SULT6B1: variants seen among roughly 807,000 people sequenced by gnomAD.
SULT6B1 encodes sulfotransferase family 6B member 1.
Under a neutral mutation model 37.2 loss-of-function variants are expected in SULT6B1, and 44 were observed. The observed-to-expected ratio is 1.18, with a 90% CI of 0.93 to 1.52. SULT6B1 has a LOEUF of 1.52. Among genes scored for constraint, SULT6B1 ranks in the 40% most tolerant of loss-of-function variants. The probability of loss-of-function intolerance (pLI) is 0.00; values close to 1 mark genes in which losing one functional copy is unlikely to be tolerated. For missense variants in SULT6B1, 450 were observed against 361.0 expected, an observed-to-expected ratio of 1.25 and a Z score of -2.00; for synonymous variants, 140 against 126.0, an observed-to-expected ratio of 1.11 and a Z score of -0.74.
At chr2:37,178,626 C>T (rs1433033257) in intron 4 of SULT6B1, among the ~76,000 whole-genome samples, 1 of 152,126 alleles carries the variant, frequency 6.6e-6, no homozygotes, top group Admixed American at 6.5e-5. Context: ...TAAAATAATG[C>T]ATAGACGACC....
At chr2:37,183,704 C>T (rs578196101) in intron 2 of SULT6B1, among the ~76,000 whole-genome samples, 190 bp from the exon 3 acceptor site, 44 of 152,230 alleles carry the variant, frequency 2.9e-4, no homozygotes, top group Non-Finnish European at 4.7e-4. Flanking sequence ...AGTGTTGTGG[C>T]GCGATCTCAG....
rs1329088275 is a variant in SULT6B1 at position 37,174,925 on chromosome 2, T to C, written c.624+207A>G. On this transcript the variant is annotated intron_variant, in intron 5 of 6. Transcript: ENST00000535679. ...TAAAGCAGTCACTTTTAGTAATAAG[T>C]TGCTAAGCGTTATTTTATTTCTGTT... 3.9e-5 allele frequency among the ~76,000 whole-genome samples: 6 copies of C among 152,332 alleles called. No individual in the cohort carries two copies. The East Asian group carries it at 5.8e-4, about 15-fold the overall frequency.
upstream of SULT6B1, among the ~76,000 whole-genome samples, chr2:37,189,643 T>C (rs1046956899): frequency 1.3e-5 from 2 of 152,174 alleles, no homozygotes; most frequent in Non-Finnish European, 2.9e-5. Flanking sequence ...TTTCTTCCCT[T>C]TTCTAGTGTA....
intron 4 of SULT6B1, among the ~76,000 whole-genome samples, chr2:37,177,411 C>CAAAAA (rs57205863): frequency 1.7e-4 from 13 of 76,244 alleles, no homozygotes; most frequent in African/African-American, 2.5e-4. Context: ...AATCTTGTCT[C>CAAAAA]AAAAAAAAAA....
intron 4 of SULT6B1, among the ~76,000 whole-genome samples, 160 bp from the exon 5 acceptor site, chr2:37,175,386 G>A (rs980037851): frequency 1.3e-5 from 2 of 152,030 alleles, no homozygotes; most frequent in African/African-American, 4.8e-5. Flanking sequence ...ATATAAATCA[G>A]TCCCATTGTC....
intron 4 of SULT6B1, among the ~76,000 whole-genome samples, chr2:37,177,466 T>TACA (rs56658714): frequency 6.8e-6 from 1 of 146,072 alleles, no homozygotes; most frequent in East Asian, 2.1e-4. Flanking sequence ...GAATACAGCA[T>TACA]GTTTTCACTT....
intron 1 of SULT6B1, among the ~76,000 whole-genome samples, chr2:37,194,006 C>T (rs888118707): frequency 3.9e-5 from 6 of 152,142 alleles, no homozygotes; most frequent in South Asian, 2.1e-4. Context: ...TGTGCAATAT[C>T]GTTATTAGTT....
At chr2:37,191,094 A>T (rs1244745818), upstream of SULT6B1, 1 of 151,994 alleles carries the variant, frequency 6.6e-6, no homozygotes, top group Non-Finnish European at 1.5e-5. Context: ...CAGAGTCAGG[A>T]TTTGGAGGGG....
At chr2:37,176,114 G>A (rs116654342) in intron 4 of SULT6B1, among the ~76,000 whole-genome samples, 2 of 152,124 alleles carry the variant, frequency 1.3e-5, no homozygotes, top group African/African-American at 4.8e-5. Flanking sequence ...AGCTGTGCTG[G>A]TTACTAGCTC....
chr2:37,180,447 G>T (rs1676526427), intron 3 of SULT6B1, among the ~76,000 whole-genome samples: 1 of 152,128 alleles, frequency 6.6e-6, no homozygotes, highest in Non-Finnish European at 1.5e-5. Flanking sequence ...ACCAACAGGG[G>T]GCAACATGGA....
rs752377674 is a variant in SULT6B1, at chr2:37,168,000, T to G, written c.847A>C (p.Lys283Gln). 5.0e-6 allele frequency: 8 copies of G among 1,603,024 alleles called. No homozygotes were observed. Among genetic ancestry groups the G allele is most frequent in the Non-Finnish European group, 6.8e-6 (8 of 1,177,672 alleles). The change falls in exon 7 of 7, where the codon AAA becomes CAA. Residue 283 changes from lysine to glutamine, a missense_variant. Coordinates refer to ENST00000535679, the MANE Select transcript of SULT6B1 (RefSeq NM_001367551.1). ...AGGGAGGTGCCTGCTAAGCACTCTT[T>G]GAATTTTTCATCCATTTCCTGGTTC... is the stretch of plus-strand genomic sequence containing the variant. ...IQNQEMDEKF[K>Q]ECLAGTSLGA...
At chr2:37,173,865 A>G (rs1676357942) in intron 5 of SULT6B1, among the ~76,000 whole-genome samples, 1 of 152,136 alleles carries the variant, frequency 6.6e-6, no homozygotes, top group Non-Finnish European at 1.5e-5. Context: ...GCTTTGCCCC[A>G]GTTCATTCTC....
intron 4 of SULT6B1, among the ~76,000 whole-genome samples, chr2:37,176,530 G>C (rs1676433964): frequency 6.6e-6 from 1 of 151,998 alleles, no homozygotes; most frequent in East Asian, 1.9e-4. Context: ...AAAGTGCTGG[G>C]ATTACAGGTG....
intron 3 of SULT6B1, among the ~76,000 whole-genome samples, chr2:37,183,214 T>C (rs6544060): frequency 0.42 from 64,480 of 152,018 alleles, 14,072 homozygotes; most frequent in African/African-American, 0.47. Flanking sequence ...TTTTATTCTA[T>C]GCATATGTTT....
At chr2:37,171,374 CTGT>C in intron 6 of SULT6B1, 57 bp downstream of exon 6, 1 of 1,553,722 alleles carries the variant, frequency 6.4e-7, no homozygotes, top group Non-Finnish European at 8.7e-7. Flanking sequence ...TTTGGATTAC[CTGT>C]TGTGTGCAAA....
At chr2:37,177,255 T>A (rs932753911) in intron 4 of SULT6B1, among the ~76,000 whole-genome samples, 2 of 151,110 alleles carry the variant, frequency 1.3e-5, no homozygotes, top group Admixed American at 1.3e-4. Context: ...TGAGGCCCCA[T>A]CTCTACAAAA....
chr2:37,183,424 C>T lies in SULT6B1; in HGVS notation c.402+1G>A, dbSNP rs767264605. ...AATTATCAGTAGGAAAGGACACTCA[C>T]CTTGGCTTTATTCTCGAAGATAGAC... On this transcript the variant is annotated splice_donor_variant, in intron 3 of 6. Coordinates refer to ENST00000535679, the MANE Select transcript of SULT6B1 (RefSeq NM_001367551.1). LOFTEE classifies it high-confidence loss of function. 1.9e-6 allele frequency: 3 copies of T among 1,612,460 alleles called. No homozygotes were observed. The highest frequency in any genetic ancestry group is 2.5e-6 in the Non-Finnish European group (3 of 1,178,682).
chr2:37,182,424 T>C (rs1676574254), intron 3 of SULT6B1, among the ~76,000 whole-genome samples: 1 of 152,118 alleles, frequency 6.6e-6, no homozygotes, highest in East Asian at 1.9e-4. Flanking sequence ...TGGCTATTTT[T>C]AGTAGGTTGG....
At chr2:37,181,812 G>T (rs1035798787) in intron 3 of SULT6B1, among the ~76,000 whole-genome samples, 61 of 152,150 alleles carry the variant, frequency 4.0e-4, no homozygotes, top group Admixed American at 2.0e-4. Flanking sequence ...GGAAAAATGT[G>T]TTAACTGCAT....
Sources: allele counts gnomAD v4.1 joint callset (sites outside exome capture counted in the v4.1 genomes callset), GRCh38; gene constraint gnomAD v4.1.1; transcripts MANE v1.5; gene names NCBI Gene and HGNC (gene_info 2026-07-23, HGNC 2026-07-21).